Variants in KIF13B observed in about 807,000 individuals in gnomAD.
The protein encoded by KIF13B is kinesin family member 13B.
A neutral mutation model predicts 222.0 loss-of-function variants in KIF13B; 127 were observed. The observed-to-expected ratio is 0.57, with a 90% CI of 0.50 to 0.66. KIF13B has a LOEUF of 0.66. KIF13B is among the 30% of genes least tolerant of loss of function. KIF13B has a pLI of 0.00. For synonymous variants in KIF13B, 976 were observed against 919.0 expected (o/e 1.06, Z -1.12); for missense variants, 2,173 against 2,379.0 (o/e 0.91, Z 1.80).
intron 13 of KIF13B, among the ~76,000 whole-genome samples, chr8:29,156,666 C>T (rs974670393): frequency 6.6e-6 from 1 of 151,558 alleles, no homozygotes; most frequent in African/African-American, 2.4e-5. Flanking sequence ...GCAGGCACCA[C>T]CTTGACCAAC....
At chr8:29,198,874 T>C (rs1158533341) in intron 2 of KIF13B, among the ~76,000 whole-genome samples, 1 of 152,124 alleles carries the variant, frequency 6.6e-6, no homozygotes, top group African/African-American at 2.4e-5. Context: ...GCTATGAGCA[T>C]GCAGAGGCAT....
At chr8:29,210,836 G>A (rs1586930786) in intron 2 of KIF13B, among the ~76,000 whole-genome samples, 2 of 152,206 alleles carry the variant, frequency 1.3e-5, no homozygotes, top group Non-Finnish European at 2.9e-5. Flanking sequence ...ATGGGTTAGA[G>A]GATAACAGGA....
At chr8:29,198,086 A>C (rs186481723) in intron 2 of KIF13B, among the ~76,000 whole-genome samples, 120 of 152,284 alleles carry the variant, frequency 7.9e-4, no homozygotes, top group African/African-American at 2.7e-3. Flanking sequence ...GTATCAAGTG[A>C]TTTCTGACAA....
intron 35 of KIF13B, among the ~76,000 whole-genome samples, chr8:29,103,198 C>T (rs1315599398): frequency 3.4e-5 from 5 of 149,040 alleles, no homozygotes; most frequent in Admixed American, 2.0e-4. Flanking sequence ...GCCGAGATAG[C>T]GCCACTGCAG....
At chr8:29,154,385 G>A (rs1811425553) in intron 14 of KIF13B, among the ~76,000 whole-genome samples, 1 of 151,972 alleles carries the variant, frequency 6.6e-6, no homozygotes, top group African/African-American at 2.4e-5. Flanking sequence ...AGGCACAGAA[G>A]AGGGCAGAGG....
intron 32 of KIF13B, 125 bp from the exon 33 acceptor site, chr8:29,110,195 C>A: frequency 6.3e-6 from 5 of 793,832 alleles, no homozygotes; most frequent in Non-Finnish European, 9.9e-6. Context: ...TTTGGAACGC[C>A]AAAGCATTTT....
At chr8:29,248,070 T>C (rs1296185968) in intron 1 of KIF13B, among the ~76,000 whole-genome samples, 1 of 151,590 alleles carries the variant, frequency 6.6e-6, no homozygotes, top group Non-Finnish European at 1.5e-5. Context: ...GGGTGTGGAG[T>C]AATTAGAACC....
At chr8:29,224,064 T>C (rs1242621362) in intron 2 of KIF13B, among the ~76,000 whole-genome samples, 1 of 150,468 alleles carries the variant, frequency 6.6e-6, no homozygotes, top group Non-Finnish European at 1.5e-5. Context: ...AGTGGTGCCA[T>C]CTTGGCTCAC....
At chr8:29,086,701 ACTAT>A (rs1024592914) in intron 37 of KIF13B, among the ~76,000 whole-genome samples, 5 of 152,116 alleles carry the variant, frequency 3.3e-5, no homozygotes, top group Admixed American at 1.3e-4. Context: ...AGCGATGTTG[ACTAT>A]CTAAGTCTTT....
chr8:29,073,604 T>C (rs765250752), intron 38 of KIF13B, among the ~76,000 whole-genome samples: 1 of 152,226 alleles, frequency 6.6e-6, no homozygotes, highest in African/African-American at 2.4e-5. Flanking sequence ...TGTTTTCCGA[T>C]ATTTATGGAA....
chr8:29,086,010 G>A (rs552329333), intron 37 of KIF13B, among the ~76,000 whole-genome samples: 1 of 152,140 alleles, frequency 6.6e-6, no homozygotes, highest in African/African-American at 2.4e-5. Context: ...CCTTGGTGCT[G>A]GTATCCCTTG....
intron 35 of KIF13B, among the ~76,000 whole-genome samples, chr8:29,101,365 CTTTG>C (rs1808777781): frequency 1.3e-5 from 2 of 152,118 alleles, no homozygotes; most frequent in South Asian, 2.1e-4. Flanking sequence ...TTTAGATTTT[CTTTG>C]TTTGGTAGCT....
In KIF13B at chr8:29,072,158, G is replaced by C; in HGVS notation, c.4680C>G (p.Pro1560=). ...APEAQDGPPS[P]LSEASSGYFS... The stretch of plus-strand genomic sequence containing the variant: ...AGTACCCGCTAGAGGCTTCACTCAG[G>C]GGGCTGGGGGGCCCGTCCTGTGCCT... Residue 1560 remains proline (P), a synonymous_variant, in exon 39 of 40, where the codon CCC becomes CCG. Transcript: ENST00000524189. 2 of 1,418,684 alleles carry C rather than the reference G, an allele frequency of 1.4e-6. No individual in the cohort carries two copies. The highest frequency in any genetic ancestry group is 2.8e-5 in the East Asian group (1 of 35,654). The allele number at this position is 1,418,684 out of a possible 1,614,324, so 87.9% of individuals were successfully genotyped here.
At position 29,160,723 on chromosome 8, in the gene KIF13B, A is replaced by G. The variant is rs2130111628; in HGVS notation, c.1404+10T>C. ...TAACAAGAATCTAGTAGCAAAGCAC[A>G]TTACTTCACCTTTAAATAGTACACC... is the stretch of plus-strand genomic sequence containing the variant. On this transcript the variant is annotated intron_variant, in intron 13 of 39. Transcript: ENST00000524189. The G allele has an allele frequency of 6.2e-7, 1 of 1,609,278 alleles. No individual in the cohort carries two copies. Among genetic ancestry groups the G allele is most frequent in the Non-Finnish European group, 8.5e-7 (1 of 1,177,794 alleles).
chr8:29,164,574 A>T (rs1811910369), intron 12 of KIF13B, among the ~76,000 whole-genome samples: 1 of 152,224 alleles, frequency 6.6e-6, no homozygotes, highest in Non-Finnish European at 1.5e-5. Flanking sequence ...GGGACACTTA[A>T]CGCTCTTAGC....
rs191994665 is a variant in KIF13B at position 29,173,990 on chromosome 8, A to T, written c.945+2078T>A. Among the ~76,000 whole-genome samples the T allele has an allele frequency of 4.0e-3, 605 of 152,162 alleles. 3 individuals carry two copies. The highest frequency in any genetic ancestry group is 2.8e-3 in the Non-Finnish European group (189 of 68,012). On this transcript the variant is annotated intron_variant, in intron 10 of 39. Transcript: ENST00000524189. ...TGGTAATGAAACGATTTAAAAAAAAATTTTTTAAATACATATGTTTAAGGT... is the reference window on the plus strand; with the variant it reads ...TGGTAATGAAACGATTTAAAAAAAATTTTTTTAAATACATATGTTTAAGGT...
intron 2 of KIF13B, among the ~76,000 whole-genome samples, chr8:29,212,634 T>C (rs2130482098): frequency 6.6e-6 from 1 of 152,160 alleles, no homozygotes. Flanking sequence ...TTTGACCTCT[T>C]TAACCACATT....
intron 2 of KIF13B, among the ~76,000 whole-genome samples, chr8:29,205,896 A>C: frequency 7.0e-6 from 1 of 143,396 alleles, no homozygotes; most frequent in East Asian, 2.0e-4. Context: ...CAGCCTGCAT[A>C]ACATAGCAAA....
chr8:29,164,055 G>A (rs1563753236), intron 12 of KIF13B, among the ~76,000 whole-genome samples: 2 of 152,150 alleles, frequency 1.3e-5, no homozygotes, highest in Non-Finnish European at 2.9e-5. Context: ...AAACAACACT[G>A]GCCATATGCT....
Sources: gnomAD v4.1 joint callset for allele counts (sites outside exome capture counted in the v4.1 genomes callset) on GRCh38, gnomAD v4.1.1 for gene constraint, MANE v1.5 for transcripts, NCBI Gene and HGNC (gene_info 2026-07-23, HGNC 2026-07-21) for gene names.